PLAGL1: variants seen among roughly 807,000 people sequenced by gnomAD.
The protein encoded by PLAGL1 is PLAG1 like zinc finger 1.
In PLAGL1, 1 loss-of-function variant was observed where a neutral mutation model predicts 4.6. The observed-to-expected ratio is 0.22, with a 90% CI of 0.08 to 1.03. The LOEUF (loss-of-function observed/expected upper bound fraction) is 1.03. Among genes scored for constraint, PLAGL1 ranks in the 50% least tolerant of loss-of-function variants. PLAGL1 has a pLI of 0.58. For synonymous variants in PLAGL1, 240 were observed against 237.8 expected (o/e 1.01, Z -0.08); for missense variants, 464 against 570.4 (o/e 0.81, Z 1.90).
intron 1 of PLAGL1, among the ~76,000 whole-genome samples, chr6:144,019,637 T>C (rs1163949867): frequency 2.0e-5 from 3 of 152,134 alleles, no homozygotes; most frequent in African/African-American, 7.2e-5. Context: ...CTGATGTAGT[T>C]AAACAATCAT....
Position 143,942,607 on chromosome 6 carries a change from GTCT to G in PLAGL1, c.206_208del (p.Lys69del), listed in dbSNP as rs776571919. ...TTTCAGGTGGTCTTTCCGGTTGAAC[GTCT>G]TCTCACAGTGAGCACACTGGTGAGA... is the stretch of plus-strand genomic sequence containing the variant. On this transcript the variant is annotated inframe_deletion, in exon 8 of 8. Coordinates refer to ENST00000674357, the MANE Select transcript of PLAGL1 (RefSeq NM_001317162.2). The surrounding 1 kb of genome is among the most constrained non-coding windows in gnomAD (Gnocchi z 7.6). The G allele has an allele frequency of 6.2e-7, 1 of 1,613,952 alleles. No individual in the cohort carries two copies. Among genetic ancestry groups the G allele is most frequent in the Non-Finnish European group, 8.5e-7 (1 of 1,179,848 alleles).
At position 144,027,231 on chromosome 6, in the gene PLAGL1, G is replaced by T. The variant is rs987566086; in HGVS notation, c.-151+37237C>A. On this transcript the variant is annotated intron_variant, in intron 1 of 3. Transcript: ENST00000437412. This position sits in a 1 kb window ranked among gnomAD's most constrained non-coding sequence, Gnocchi z 5.8. ...AGAGAAAGACCCCAACTCAAAGAAC[G>T]AACGAAAGAAAGAAAGAAAGAAAGA... Among the ~76,000 whole-genome samples, 1 of 91,740 alleles carries T rather than the reference G, an allele frequency of 1.1e-5. No individual in the cohort carries two copies. The highest frequency in any genetic ancestry group is 2.1e-5 in the Non-Finnish European group (1 of 48,306). The allele number at this position is 91,740 out of a possible 152,430, so 60.2% of individuals were successfully genotyped here.
chr6:144,047,025 G>C (rs139069266), intron 1 of PLAGL1, among the ~76,000 whole-genome samples: 1 of 152,208 alleles, frequency 6.6e-6, no homozygotes, highest in South Asian at 2.1e-4. Context: ...ATGATCTCCT[G>C]GTGTGCCGTT....
intron 2 of PLAGL1, among the ~76,000 whole-genome samples, chr6:143,981,038 A>G (rs1323424565): frequency 6.6e-6 from 1 of 152,242 alleles, no homozygotes; most frequent in Non-Finnish European, 1.5e-5. Context: ...TAGTTAAAAC[A>G]GAGACTACAT....
In PLAGL1 at chr6:143,941,973, G is replaced by A; in HGVS notation, c.843C>T (p.Ser281=). The A allele has an allele frequency of 1.3e-6, 2 of 1,596,996 alleles. No homozygotes were observed. Among genetic ancestry groups the A allele is most frequent in the Non-Finnish European group, 1.7e-6 (2 of 1,170,582 alleles). ...AAQPMQPLPE[S]LASLHPSVSP... ...ATACCGAGGGGTGGAGGGAGGCCAG[G>A]GACTCTGGCAGCGGCTGCATAGGCT... The change falls in exon 8 of 8, where the codon TCC becomes TCT. Residue 281 remains serine, a synonymous_variant. Transcript: ENST00000674357. The surrounding 1 kb of genome is among the most constrained non-coding windows in gnomAD (Gnocchi z 6.0).
At chr6:144,057,779 T>C (rs79917929) in intron 1 of PLAGL1, among the ~76,000 whole-genome samples, 1 of 76,218 alleles carries the variant, frequency 1.3e-5, no homozygotes, top group African/African-American at 5.1e-5. Flanking sequence ...CCTCACCATT[T>C]TTTTTTTTTT....
intron 1 of PLAGL1, among the ~76,000 whole-genome samples, chr6:143,992,521 T>C (rs145817550): frequency 9.2e-5 from 14 of 152,336 alleles, no homozygotes; most frequent in African/African-American, 2.9e-4. Flanking sequence ...CTAAAATATA[T>C]GACCTTGGTT....
At position 143,985,881 on chromosome 6, in the gene PLAGL1, CATATT is replaced by C. The variant is rs1326974402; in HGVS notation, c.-583-712_-583-708del. Reference sequence around the variant, plus strand: ...TGAGTGCTTACCATCGGCCAAGCTACATATTATATATTATTATGTGTGTGTGTGTG... The same window carrying C: ...TGAGTGCTTACCATCGGCCAAGCTACATATATTATTATGTGTGTGTGTGTG... On this transcript the variant is annotated intron_variant, in intron 1 of 7. Transcript: ENST00000674357. This position sits in a 1 kb window ranked among gnomAD's most constrained non-coding sequence, Gnocchi z 4.4. Among the ~76,000 whole-genome samples the C allele has an allele frequency of 2.1e-5, 3 of 144,724 alleles. No individual in the cohort carries two copies. The highest frequency in any genetic ancestry group is 4.4e-4 in the South Asian group (2 of 4,554). The allele number at this position is 144,724 out of a possible 152,430, so 94.9% of individuals were successfully genotyped here.
intron 1 of PLAGL1, among the ~76,000 whole-genome samples, chr6:143,999,211 T>TA (rs201956383): frequency 4.6e-5 from 7 of 151,930 alleles, no homozygotes; most frequent in Non-Finnish European, 7.4e-5. Context: ...TTTATTAATT[T>TA]AAAAAAAATG....
rs929312832 is a variant in PLAGL1, at chr6:144,025,947, T to C, written c.-151+38521A>G. Among the ~76,000 whole-genome samples the C allele has an allele frequency of 3.9e-5, 6 of 152,246 alleles. No individual in the cohort carries two copies. The East Asian group carries it at 1.2e-3, about 29-fold the overall frequency. ...TTGCCCAAGTTCTACCTGAAGAGAT[T>C]TGGATTCAGTCAGTCTGGGAATACT... is the stretch of plus-strand genomic sequence containing the variant. On this transcript the variant is annotated intron_variant, in intron 1 of 3. Coordinates refer to the PLAGL1 transcript ENST00000437412.
rs1554277778 is a variant in PLAGL1, at chr6:144,027,292, A to AAAGT, written c.-151+37172_-151+37175dup. Among the ~76,000 whole-genome samples the AAAGT allele has an allele frequency of 1.1e-3, 153 of 142,582 alleles. 2 individuals are homozygous for AAAGT. Among genetic ancestry groups the AAAGT allele is most frequent in the African/African-American group, 3.6e-3 (137 of 38,350 alleles). 93.5% of individuals were successfully genotyped at this position (142,582 alleles called of 152,430 possible). A position where few individuals can be genotyped will look rare whatever the true frequency, so the allele number is the denominator to read the frequency against. Reference sequence around the variant, plus strand: ...GAAAGAAAGAAAGAAAGAAAGAAAGAAAGTTATTTGATCTGAAGTACAATG... The same window carrying AAAGT: ...GAAAGAAAGAAAGAAAGAAAGAAAGAAAGTAAGTTATTTGATCTGAAGTACAATG... On this transcript the variant is annotated intron_variant, in intron 1 of 3. Transcript: ENST00000437412. This position sits in a 1 kb window ranked among gnomAD's most constrained non-coding sequence, Gnocchi z 5.8.
rs1790202884 is a variant in PLAGL1, at chr6:143,990,369, T to A, written c.-583-5195A>T. Among the ~76,000 whole-genome samples, 1 of 152,206 alleles carries A rather than the reference T, an allele frequency of 6.6e-6. No homozygotes were observed. ...CCCCTGACCTCGGGATCCGCCCGCC[T>A]TGGCCTCCCAAAGTGCAGGGATTAC... On this transcript the variant is annotated intron_variant, in intron 1 of 7. Transcript: ENST00000674357. The surrounding 1 kb of genome is among the most constrained non-coding windows in gnomAD (Gnocchi z 5.4).
chr6:144,004,565 C>T lies in PLAGL1; in HGVS notation c.-584+3525G>A, dbSNP rs1169003334. On this transcript the variant is annotated intron_variant, in intron 1 of 7. Coordinates refer to ENST00000674357, the MANE Select transcript of PLAGL1 (RefSeq NM_001317162.2). The surrounding 1 kb of genome is among the most constrained non-coding windows in gnomAD (Gnocchi z 4.2). Reference sequence around the variant, plus strand: ...TAATACATGGTCATAGAAATCGGGACAGTAGTTGACTGGGGGAAGCGAGTG... The same window carrying T: ...TAATACATGGTCATAGAAATCGGGATAGTAGTTGACTGGGGGAAGCGAGTG... 6.6e-6 allele frequency among the ~76,000 whole-genome samples: 1 copy of T among 152,108 alleles called. No individual in the cohort carries two copies. The highest frequency in any genetic ancestry group is 2.4e-5 in the African/African-American group (1 of 41,410).
intron 7 of PLAGL1, among the ~76,000 whole-genome samples, chr6:143,946,669 G>T (rs1372755411): frequency 6.6e-6 from 1 of 152,156 alleles, no homozygotes; most frequent in Non-Finnish European, 1.5e-5. Context: ...TTCCTCCAGG[G>T]TCACTCCAAG....
In PLAGL1 at chr6:143,942,518, ACTT is replaced by A. The variant is rs1778860776; in HGVS notation, c.295_297del (p.Lys99del). 6.2e-7 allele frequency: 1 copy of A among 1,613,774 alleles called. No homozygotes were observed. The highest frequency in any genetic ancestry group is 1.7e-5 in the Admixed American group (1 of 59,970). On this transcript the variant is annotated inframe_deletion, in exon 8 of 8. Transcript: ENST00000674357. The surrounding 1 kb of genome is among the most constrained non-coding windows in gnomAD (Gnocchi z 7.6). ...CTCTTATAGCCCAGCATGGTGTTGTACTTCTTCCCACACTCCTCACACCCAAAG... is the reference window on the plus strand; with the variant it reads ...CTCTTATAGCCCAGCATGGTGTTGTACTTCCCACACTCCTCACACCCAAAG...
rs1197702366 is a variant in PLAGL1, at chr6:143,995,186, A to C, written c.-583-10012T>G. Reference sequence around the variant, plus strand: ...GGAACAATTAAATAAAATGATTCACAACAAGTGGTCAACACAGAAAATATT... The same window carrying C: ...GGAACAATTAAATAAAATGATTCACCACAAGTGGTCAACACAGAAAATATT... On this transcript the variant is annotated intron_variant, in intron 1 of 7. Coordinates refer to ENST00000674357, the MANE Select transcript of PLAGL1 (RefSeq NM_001317162.2). This position sits in a 1 kb window ranked among gnomAD's most constrained non-coding sequence, Gnocchi z 4.4. Among the ~76,000 whole-genome samples, 1 of 152,212 alleles carries C rather than the reference A, an allele frequency of 6.6e-6. No homozygotes were observed. The highest frequency in any genetic ancestry group is 6.5e-5 in the Admixed American group (1 of 15,282).
rs1796488565 is a variant in PLAGL1 at position 144,027,903 on chromosome 6, C to A, written c.-151+36565G>T. On this transcript the variant is annotated intron_variant, in intron 1 of 3. Coordinates refer to the PLAGL1 transcript ENST00000437412. This position sits in a 1 kb window ranked among gnomAD's most constrained non-coding sequence, Gnocchi z 5.8. ...ATGCTCCCCAATTTTCTCAGAGTGT[C>A]TTTCATTTTGATATGAGAATAAACA... 6.6e-6 allele frequency among the ~76,000 whole-genome samples: 1 copy of A among 152,146 alleles called. No homozygotes were observed. Among genetic ancestry groups the A allele is most frequent in the Non-Finnish European group, 1.5e-5 (1 of 68,016 alleles).
intron 1 of PLAGL1, among the ~76,000 whole-genome samples, chr6:144,045,621 T>C (rs1364393864): frequency 6.6e-6 from 1 of 152,218 alleles, no homozygotes; most frequent in Non-Finnish European, 1.5e-5. Flanking sequence ...GCCCTTAACA[T>C]TTTTTCCTTC....
Position 143,985,541 on chromosome 6 carries a change from G to A in PLAGL1, c.-583-367C>T, listed in dbSNP as rs1444580431. On this transcript the variant is annotated intron_variant, in intron 1 of 7. Transcript: ENST00000674357. This position sits in a 1 kb window ranked among gnomAD's most constrained non-coding sequence, Gnocchi z 4.4. The stretch of plus-strand genomic sequence containing the variant: ...TTTGCCAAAATCTCTTTCTGCCCCT[G>A]ACCCATTGCACATCTATTTTTAACA... Among the ~76,000 whole-genome samples, 4 of 152,018 alleles carry A rather than the reference G, an allele frequency of 2.6e-5. No individual in the cohort carries two copies. The highest frequency in any genetic ancestry group is 5.9e-5 in the Non-Finnish European group (4 of 67,998).
Sources: gnomAD v4.1 joint callset for allele counts (sites outside exome capture counted in the v4.1 genomes callset) on GRCh38, gnomAD v4.1.1 for gene constraint, Gnocchi (gnomAD v3.1) non-coding constraint, MANE v1.5 for transcripts, NCBI Gene and HGNC (gene_info 2026-07-23, HGNC 2026-07-21) for gene names.